Variants in ATP13A4 observed in about 807,000 individuals in gnomAD.
The protein encoded by ATP13A4 is probable cation-transporting ATPase 13A4.
In ATP13A4, 114 loss-of-function variants were observed where a neutral mutation model predicts 142.5. That is an observed-to-expected ratio of 0.80 (90% CI 0.69 to 0.93). The LOEUF is 0.93. Among genes scored for constraint, ATP13A4 ranks in the 40% least tolerant of loss-of-function variants. ATP13A4 has a pLI of 0.00. For missense variants in ATP13A4, 1,392 were observed against 1,454.0 expected (o/e 0.96, Z 0.69); for synonymous variants, 488 against 514.8 (o/e 0.95, Z 0.70).
chr3:193,467,461 A>G lies in ATP13A4; in HGVS notation c.969T>C (p.Thr323=). 6.2e-7 allele frequency: 1 copy of G among 1,613,584 alleles called. No homozygotes were observed. Among genetic ancestry groups the G allele is most frequent in the South Asian group, 1.1e-5 (1 of 91,036 alleles). Residue 323 remains threonine (T), a synonymous_variant, in exon 10 of 30, where the codon ACT becomes ACC. Transcript: ENST00000342695. ...LTGESIPVTK[T]PLPKMDSSVP... is the part of the protein sequence containing the mutation. ...CAGAGCTATCCATCTTGGGTAACGGAGTTTTGGTGACTGGAATACTTTCTC... is the reference window on the plus strand; with the variant it reads ...CAGAGCTATCCATCTTGGGTAACGGGGTTTTGGTGACTGGAATACTTTCTC...
At chr3:193,430,238 C>T (rs1438196291) in intron 25 of ATP13A4, among the ~76,000 whole-genome samples, 1 of 152,092 alleles carries the variant, frequency 6.6e-6, no homozygotes, top group Admixed American at 6.6e-5. Context: ...GAAAGTTACA[C>T]ATTTAGAGAT....
At chr3:193,471,313 A>G (rs950022649) in intron 8 of ATP13A4, among the ~76,000 whole-genome samples, 42 of 152,174 alleles carry the variant, frequency 2.8e-4, no homozygotes, top group African/African-American at 9.4e-4. Context: ...CTGTAATCCC[A>G]GCACTTTTGG....
rs755646518 is a variant in ATP13A4 at position 193,400,385 on chromosome 3, A to G, written c.*2267T>C. Among the ~76,000 whole-genome samples the G allele has an allele frequency of 2.8e-4, 43 of 152,356 alleles. No homozygotes were observed. Among genetic ancestry groups the G allele is most frequent in the Non-Finnish European group, 5.7e-4 (39 of 68,042 alleles). On this transcript the variant is annotated 3_prime_UTR_variant, in exon 30 of 30. Coordinates refer to ENST00000342695, the MANE Select transcript of ATP13A4 (RefSeq NM_032279.4). ...CTTAGGATCAAGGCAAGAGCAACTC[A>G]AAGTCTCAGAAAGACAGACAATCAT...
intron 14 of ATP13A4, chr3:193,458,494 A>T (rs1413875627): frequency 2.5e-5 from 4 of 160,514 alleles, no homozygotes; most frequent in Non-Finnish European, 4.1e-5. Context: ...GCAGTCAGTT[A>T]GAGCAGAGAC....
At chr3:193,404,745 AT>A (rs1020095702) in intron 29 of ATP13A4, among the ~76,000 whole-genome samples, 5 of 152,186 alleles carry the variant, frequency 3.3e-5, no homozygotes, top group African/African-American at 1.2e-4. Context: ...CCATGAGCCA[AT>A]TAAACCTCTT....
At chr3:193,541,417 T>TCTGTGATTATCGATCACAGATTATCTAC (rs1722921273) in intron 1 of ATP13A4, among the ~76,000 whole-genome samples, 1 of 122,030 alleles carries the variant, frequency 8.2e-6, no homozygotes, top group African/African-American at 2.7e-5. Flanking sequence ...AGATTATCTA[T>TCTGTGATTATCGATCACAGATTATCTAC]CTGTGATTAT....
chr3:193,510,617 A>G (rs1721093887), intron 2 of ATP13A4, among the ~76,000 whole-genome samples: 1 of 152,170 alleles, frequency 6.6e-6, no homozygotes, highest in African/African-American at 2.4e-5. Flanking sequence ...TAAAATAAAA[A>G]CCTAATTACT....
At chr3:193,514,405 C>T (rs915039689) in intron 2 of ATP13A4, among the ~76,000 whole-genome samples, 2 of 152,196 alleles carry the variant, frequency 1.3e-5, no homozygotes, top group African/African-American at 4.8e-5. Flanking sequence ...CTGAAAAGGA[C>T]ATGATTTCGT....
intron 9 of ATP13A4, among the ~76,000 whole-genome samples, chr3:193,470,238 T>G (rs183507559): frequency 6.6e-6 from 1 of 152,316 alleles, no homozygotes; most frequent in Non-Finnish European, 1.5e-5. Flanking sequence ...CTTAAGCAAG[T>G]CACCTCTCTG....
intron 1 of ATP13A4, among the ~76,000 whole-genome samples, chr3:193,537,891 A>G (rs1404368000): frequency 6.6e-6 from 1 of 152,214 alleles, no homozygotes; most frequent in East Asian, 1.9e-4. Context: ...CAACATTCTT[A>G]AAACAACAAA....
chr3:193,483,823 C>G, intron 8 of ATP13A4, 113 bp downstream of exon 8: 1 of 994,178 alleles, frequency 1.0e-6, no homozygotes, highest in Non-Finnish European at 1.6e-6. Flanking sequence ...GAACAAATGC[C>G]TAAGGAGAAA....
chr3:193,426,920 A>G (rs1332324912), intron 25 of ATP13A4, among the ~76,000 whole-genome samples: 1 of 152,038 alleles, frequency 6.6e-6, no homozygotes, highest in East Asian at 1.9e-4. Context: ...AAATATTCAT[A>G]ACCTTGAATT....
At chr3:193,522,205 A>G (rs1422706082) in intron 1 of ATP13A4, among the ~76,000 whole-genome samples, 1 of 150,992 alleles carries the variant, frequency 6.6e-6, no homozygotes, top group Non-Finnish European at 1.5e-5. Context: ...GCCTATGGAA[A>G]CTCCTCCTTG....
intron 1 of ATP13A4, among the ~76,000 whole-genome samples, chr3:193,522,589 T>C (rs1007278813): frequency 2.2e-4 from 34 of 152,162 alleles, no homozygotes; most frequent in Admixed American, 1.6e-3. Flanking sequence ...CACTCCCTCC[T>C]CCTCCTTAGC....
chr3:193,466,507 C>T (rs1718296598), intron 10 of ATP13A4, among the ~76,000 whole-genome samples: 1 of 152,172 alleles, frequency 6.6e-6, no homozygotes, highest in African/African-American at 2.4e-5. Context: ...TGCACGCACA[C>T]ACATGTCACT....
intron 1 of ATP13A4, among the ~76,000 whole-genome samples, chr3:193,549,417 A>AATATAT (rs10540639): frequency 4.7e-5 from 7 of 147,878 alleles, no homozygotes; most frequent in African/African-American, 1.2e-4. Context: ...ATAATTATCA[A>AATATAT]ATATATATAT....
chr3:193,535,117 A>G (rs1340272708), intron 1 of ATP13A4, among the ~76,000 whole-genome samples: 1 of 152,184 alleles, frequency 6.6e-6, no homozygotes, highest in Non-Finnish European at 1.5e-5. Context: ...TCAATAATTC[A>G]TAGAACAACT....
At chr3:193,441,728 C>T (rs1716655440) in intron 19 of ATP13A4, 140 bp from the exon 20 acceptor site, 3 of 1,001,412 alleles carry the variant, frequency 3.0e-6, no homozygotes, top group African/African-American at 1.6e-5. Context: ...GAAGCATTTT[C>T]TTTTTGCTGG....
chr3:193,442,572 A>C lies in ATP13A4; in HGVS notation c.2153-16T>G. ...AGATTGTCACCTAGAGGAAAGGAGGAGTATCTCAAGATGAGGTTGACAAGA... is the reference window on the plus strand; with the variant it reads ...AGATTGTCACCTAGAGGAAAGGAGGCGTATCTCAAGATGAGGTTGACAAGA... On this transcript the variant is annotated splice_polypyrimidine_tract_variant and intron_variant, in intron 18 of 29. Transcript: ENST00000342695. The C allele has an allele frequency of 8.1e-6, 13 of 1,610,384 alleles. No homozygotes were observed. The highest frequency in any genetic ancestry group is 1.1e-5 in the Non-Finnish European group (13 of 1,177,048).
Sources: allele counts gnomAD v4.1 joint callset (sites outside exome capture counted in the v4.1 genomes callset), GRCh38; gene constraint gnomAD v4.1.1; transcripts MANE v1.5; gene names NCBI Gene and HGNC (gene_info 2026-07-23, HGNC 2026-07-21).